Variants in ADAMTS14 observed in about 807,000 individuals in gnomAD.
ADAMTS14 encodes the protein A disintegrin and metalloproteinase with thrombospondin motifs 14.
ADAMTS14 carries 100 observed loss-of-function variants against 128.6 expected under a neutral mutation model. That is an observed-to-expected ratio of 0.78 (90% CI 0.66 to 0.92). ADAMTS14 has a LOEUF of 0.92. Ranked by LOEUF, ADAMTS14 falls within the 40% of genes least tolerant of loss-of-function variation. ADAMTS14 has a pLI of 0.00. For missense variants in ADAMTS14, 1,562 were observed against 1,658.6 expected (o/e 0.94, Z 1.01); for synonymous variants, 665 against 653.8 (o/e 1.02, Z -0.26).
Position 70,738,701 on chromosome 10 carries a change from G to A in ADAMTS14, c.1600-141G>A, listed in dbSNP as rs1051444404. On this transcript the variant is annotated intron_variant, in intron 10 of 21. Coordinates refer to ENST00000373207, the MANE Select transcript of ADAMTS14 (RefSeq NM_080722.4). ...ACAGGCCCAGAAAGGCAAGCCTTTT[G>A]TTTAAGGCTGCTCAGCTCATGCTAG... 10 of 1,159,390 alleles carry A rather than the reference G, an allele frequency of 8.6e-6. No individual in the cohort carries two copies. In the East Asian group the frequency reaches 2.6e-4, roughly 30 times the overall value. 71.8% of individuals were successfully genotyped at this position (1,159,390 alleles called of 1,614,324 possible).
At chr10:70,701,189 C>T (rs1028696425) in intron 2 of ADAMTS14, among the ~76,000 whole-genome samples, 24 of 152,182 alleles carry the variant, frequency 1.6e-4, no homozygotes, top group African/African-American at 5.8e-4. Context: ...GAGGGGGCTC[C>T]TAAGATGCAG....
At chr10:70,760,212 G>GC (rs374748195) in intron 21 of ADAMTS14, 148 bp from the exon 22 acceptor site, 323 of 1,032,062 alleles carry the variant, frequency 3.1e-4, no homozygotes, top group African/African-American at 2.9e-3. Context: ...TGGCTCTGTA[G>GC]CCCCCACCCT....
chr10:70,748,035 G>A (rs1357886062), intron 15 of ADAMTS14, among the ~76,000 whole-genome samples: 1 of 152,188 alleles, frequency 6.6e-6, no homozygotes, highest in African/African-American at 2.4e-5. Flanking sequence ...GAAAGGAAGT[G>A]TAGGGAAGAG....
chr10:70,709,894 T>C (rs1840791966), intron 4 of ADAMTS14, among the ~76,000 whole-genome samples: 1 of 152,156 alleles, frequency 6.6e-6, no homozygotes, highest in Non-Finnish European at 1.5e-5. Flanking sequence ...TGAGCATCCC[T>C]GGGCTAAAGG....
In ADAMTS14 at chr10:70,751,669, G is replaced by A. The variant is rs552200303; in HGVS notation, c.2596+23G>A. The A allele has an allele frequency of 1.6e-5, 26 of 1,596,746 alleles. No homozygotes were observed. In the South Asian group the frequency reaches 2.8e-4, roughly 17 times the overall value. On this transcript the variant is annotated intron_variant, in intron 17 of 21. Transcript: ENST00000373207. Reference sequence around the variant, plus strand: ...GAGGTACCGGTTCCCTGACCCGCCAGTGCTTTGTTGGGGCAGCCCAGGATC... The same window carrying A: ...GAGGTACCGGTTCCCTGACCCGCCAATGCTTTGTTGGGGCAGCCCAGGATC...
chr10:70,738,257 A>G (rs561309367), intron 10 of ADAMTS14, among the ~76,000 whole-genome samples: 2 of 152,234 alleles, frequency 1.3e-5, no homozygotes, highest in South Asian at 2.1e-4. Flanking sequence ...TAAGGCCTGT[A>G]TAGATATGAG....
At position 70,672,635 on chromosome 10, in the gene ADAMTS14, G is replaced by T. The variant is rs1374574050; in HGVS notation, c.-168G>T. 6.6e-6 allele frequency among the ~76,000 whole-genome samples: 1 copy of T among 151,788 alleles called. No homozygotes were observed. The highest frequency in any genetic ancestry group is 1.5e-5 in the Non-Finnish European group (1 of 67,894). On this transcript the variant is annotated 5_prime_UTR_variant, in exon 1 of 22. Transcript: ENST00000373207. ...GGTCCAGGCGGCGGCGCCGCGCAGGGGACCCGGAGCAGGCGGGAGGGAAGC... is the reference window on the plus strand; with the variant it reads ...GGTCCAGGCGGCGGCGCCGCGCAGGTGACCCGGAGCAGGCGGGAGGGAAGC...
intron 4 of ADAMTS14, among the ~76,000 whole-genome samples, chr10:70,714,662 G>A (rs2132629214): frequency 6.6e-6 from 1 of 152,190 alleles, no homozygotes; most frequent in South Asian, 2.1e-4. Flanking sequence ...GAAAACTGGG[G>A]GTTTGGCCAG....
chr10:70,721,420 C>T (rs1289396411), intron 4 of ADAMTS14, among the ~76,000 whole-genome samples: 4 of 151,092 alleles, frequency 2.6e-5, no homozygotes, highest in African/African-American at 9.8e-5. Flanking sequence ...GAGTCTTGCT[C>T]TATTGCCCAG....
intron 21 of ADAMTS14, among the ~76,000 whole-genome samples, chr10:70,758,761 T>C (rs1589348294): frequency 6.6e-6 from 1 of 152,186 alleles, no homozygotes; most frequent in Admixed American, 6.5e-5. Flanking sequence ...GATGAGAGAA[T>C]GCATGCACTC....
chr10:70,757,627 A>C (rs766097303), intron 19 of ADAMTS14, among the ~76,000 whole-genome samples: 1 of 152,200 alleles, frequency 6.6e-6, no homozygotes, highest in Non-Finnish European at 1.5e-5. Context: ...GACACAGTGC[A>C]TGCAGGTGGT....
In ADAMTS14 at chr10:70,674,813, G is replaced by C. The variant is rs186907048; in HGVS notation, c.340G>C (p.Gly114Arg). The C allele has an allele frequency of 8.8e-5, 142 of 1,613,812 alleles. 1 individual carries two copies. In the East Asian group the frequency reaches 2.8e-3, roughly 32 times the overall value. Residue 114 changes from glycine to arginine, a missense_variant, in exon 2 of 22, where the codon GGG becomes CGG. By Grantham distance (125) the Gly-to-Arg change is moderately radical (BLOSUM62 -2). Coordinates refer to ENST00000373207, the MANE Select transcript of ADAMTS14 (RefSeq NM_080722.4). ...HSLYFNVTVFGKELHLRLRPN... is the reference protein window; with the variant it reads ...HSLYFNVTVFRKELHLRLRPN... ...CCTCTACTTCAATGTCACTGTTTTC[G>C]GGAAGGAACTGCACTTGCGCCTGCG... is the stretch of plus-strand genomic sequence containing the variant.
intron 7 of ADAMTS14, among the ~76,000 whole-genome samples, chr10:70,732,966 A>G (rs1464700880): frequency 2.0e-5 from 3 of 152,220 alleles, no homozygotes; most frequent in Non-Finnish European, 2.9e-5. Context: ...GCTACAGTGG[A>G]GATCAGGACA....
chr10:70,685,197 T>C (rs1311833128), intron 2 of ADAMTS14, among the ~76,000 whole-genome samples: 1 of 152,114 alleles, frequency 6.6e-6, no homozygotes, highest in Admixed American at 6.5e-5. Context: ...AGGCCCAGGG[T>C]GGGCTCTCAG....
In ADAMTS14 at chr10:70,760,470, G is replaced by A. The variant is rs774384461; in HGVS notation, c.3289G>A (p.Ala1097Thr). Residue 1097 changes from alanine (A) to threonine (T), a missense_variant, in exon 22 of 22, where the codon GCC becomes ACC. Physicochemically the swap from Ala to Thr is moderately conservative, Grantham distance 58. Transcript: ENST00000373207. Reference protein sequence around the residue: ...RLCCVSCIKKASGPNPGPDPG... With the variant: ...RLCCVSCIKKTSGPNPGPDPG... ...CTGCTGTGTGTCCTGCATCAAGAAG[G>A]CCTCGGGCCCCAACCCTGGCCCAGA... 1.2e-6 allele frequency: 2 copies of A among 1,613,848 alleles called. No individual in the cohort carries two copies. The highest frequency in any genetic ancestry group is 1.1e-5 in the South Asian group (1 of 91,070).
Position 70,749,929 on chromosome 10 carries a change from G to A in ADAMTS14, c.2371G>A (p.Asp791Asn), listed in dbSNP as rs1440910031. 3.7e-6 allele frequency: 6 copies of A among 1,614,014 alleles called. No individual in the cohort carries two copies. Among genetic ancestry groups the A allele is most frequent in the Non-Finnish European group, 5.1e-6 (6 of 1,180,024 alleles). Reference protein sequence around the residue: ...MGLEWEDAVEDAKESLKTSGP... With the variant: ...MGLEWEDAVENAKESLKTSGP... ...CCTGGAGTGGGAGGATGCGGTGGAG[G>A]ATGCCAAGGAAAGCCTCAAGACCAG... Residue 791 changes from aspartate (D) to asparagine (N), a missense_variant, in exon 16 of 22, where the codon GAT (aspartate) becomes AAT (asparagine). Coordinates refer to ENST00000373207, the MANE Select transcript of ADAMTS14 (RefSeq NM_080722.4).
At chr10:70,674,052 T>C (rs1189011846) in intron 1 of ADAMTS14, among the ~76,000 whole-genome samples, 1 of 152,146 alleles carries the variant, frequency 6.6e-6, no homozygotes, top group Non-Finnish European at 1.5e-5. Flanking sequence ...CCCCACCTTC[T>C]CCTTGACACG....
At chr10:70,681,675 T>G (rs10999468) in intron 2 of ADAMTS14, among the ~76,000 whole-genome samples, 34,476 of 152,204 alleles carry the variant, frequency 0.23, 4,180 homozygotes, top group Middle Eastern at 0.32. Context: ...AGGCGTCCTG[T>G]GGGCGCCCTG....
In ADAMTS14 at chr10:70,748,900, G is replaced by T. The variant is rs552125736; in HGVS notation, c.2264-922G>T. Among the ~76,000 whole-genome samples, 4 of 152,332 alleles carry T rather than the reference G, an allele frequency of 2.6e-5. No individual in the cohort carries two copies. The South Asian group carries it at 8.3e-4, about 32-fold the overall frequency. On this transcript the variant is annotated intron_variant, in intron 15 of 21. Coordinates refer to ENST00000373207, the MANE Select transcript of ADAMTS14 (RefSeq NM_080722.4). ...GCTGCTGGGCCCTAGGAAGTCCAGG[G>T]TGGCCAAAGGTACCACTCAGGGGCC...
Sources: allele counts gnomAD v4.1 joint callset (sites outside exome capture counted in the v4.1 genomes callset), GRCh38; gene constraint gnomAD v4.1.1; transcripts MANE v1.5; gene names NCBI Gene and HGNC (gene_info 2026-07-23, HGNC 2026-07-21).